LARS1: variants seen among roughly 807,000 people sequenced by gnomAD.
LARS1 encodes leucyl-tRNA synthetase 1, also known as leucine--tRNA ligase, cytoplasmic.
Under a neutral mutation model 162.8 loss-of-function variants are expected in LARS1, and 100 were observed. The ratio of observed to expected loss-of-function variants is 0.61; its 90% CI spans 0.52 to 0.73. The LOEUF (loss-of-function observed/expected upper bound fraction) is 0.73. LARS1 is among the 30% of genes least tolerant of loss of function. The pLI, the probability that LARS1 is intolerant of heterozygous loss-of-function variation, is 0.00. For synonymous variants in LARS1, 457 were observed against 462.8 expected (o/e 0.99, Z 0.16); for missense variants, 1,258 against 1,408.9 (o/e 0.89, Z 1.71).
At chr5:146,136,846 T>C (rs1752521622) in intron 21 of LARS1, among the ~76,000 whole-genome samples, 1 of 152,198 alleles carries the variant, frequency 6.6e-6, no homozygotes, top group Non-Finnish European at 1.5e-5. Context: ...AAGTCTGATG[T>C]TACATAATGC....
At chr5:146,172,593 C>A in intron 3 of LARS1, 94 bp downstream of exon 3, 2 of 574,812 alleles carry the variant, frequency 3.5e-6, no homozygotes, top group Non-Finnish European at 5.8e-6. Context: ...GTTCTCTTAA[C>A]AGGAAATAAT....
In LARS1 at chr5:146,171,954, A is replaced by G; in HGVS notation, c.250T>C (p.Cys84Arg). ...CAGTGCAGGCCAAAGGGAAACAGAC[A>G]ACATTTTCCTTTCAATCGCTGGTAC... ...VGYQRLKGKC[C>R]LFPFGLHCTG... Residue 84 changes from cysteine (C) to arginine (R), a missense_variant, in exon 4 of 32, where the codon TGT becomes CGT. Physicochemically the swap from Cys to Arg is radical, Grantham distance 180 (BLOSUM62 -3). Coordinates refer to ENST00000394434, the MANE Select transcript of LARS1 (RefSeq NM_020117.11). 6.2e-7 allele frequency: 1 copy of G among 1,614,006 alleles called. No homozygotes were observed. The highest frequency in any genetic ancestry group is 8.5e-7 in the Non-Finnish European group (1 of 1,179,908).
Position 146,153,820 on chromosome 5 carries a change from C to G in LARS1, c.1154-10G>C, listed in dbSNP as rs1753403465. The G allele has an allele frequency of 6.2e-7, 1 of 1,613,498 alleles. No individual in the cohort carries two copies. The highest frequency in any genetic ancestry group is 1.3e-5 in the African/African-American group (1 of 75,014). On this transcript the variant is annotated splice_polypyrimidine_tract_variant and intron_variant, in intron 11 of 31. Transcript: ENST00000394434. ...GTAACCACACCAGTGCCTTAGAAAACAAAGTGTGGAATTAATAACTAGAAC... is the reference window on the plus strand; with the variant it reads ...GTAACCACACCAGTGCCTTAGAAAAGAAAGTGTGGAATTAATAACTAGAAC...
chr5:146,162,691 C>T (rs1057238029), intron 6 of LARS1, among the ~76,000 whole-genome samples: 1 of 152,238 alleles, frequency 6.6e-6, no homozygotes, highest in Non-Finnish European at 1.5e-5. Context: ...GGAAGTCTTA[C>T]AGCATCTTAA....
chr5:146,169,079 A>G (rs1754146433), intron 4 of LARS1, among the ~76,000 whole-genome samples: 1 of 152,040 alleles, frequency 6.6e-6, no homozygotes. Context: ...AAAAATAAAT[A>G]AAAACAAAAA....
intron 30 of LARS1, 25 bp downstream of exon 30, chr5:146,122,467 A>T (rs770710363): frequency 7.9e-7 from 1 of 1,267,070 alleles, no homozygotes; most frequent in South Asian, 1.2e-5. Flanking sequence ...AAATGCAATG[A>T]TTCAGTGAGA....
intron 18 of LARS1, among the ~76,000 whole-genome samples, chr5:146,144,035 T>G (rs1184348520): frequency 6.6e-6 from 1 of 152,114 alleles, no homozygotes; most frequent in Non-Finnish European, 1.5e-5. Flanking sequence ...GGTTGAAGCT[T>G]GGAGTCTCTC....
intron 23 of LARS1, chr5:146,131,375 C>A: frequency 4.0e-6 from 1 of 253,154 alleles, no homozygotes; most frequent in Non-Finnish European, 7.4e-6. Flanking sequence ...CTGCTTAGGG[C>A]TCCTGTTTAT....
intron 20 of LARS1, among the ~76,000 whole-genome samples, chr5:146,140,886 CAT>C (rs951879171): frequency 1.3e-5 from 2 of 152,000 alleles, no homozygotes; most frequent in African/African-American, 2.4e-5. Flanking sequence ...TACACACACA[CAT>C]ATATATACAC....
At chr5:146,143,594 C>T in intron 18 of LARS1, 44 bp from the exon 19 acceptor site, 1 of 1,590,270 alleles carries the variant, frequency 6.3e-7, no homozygotes, top group South Asian at 1.1e-5. Flanking sequence ...AGAGACATTT[C>T]ATCTATAGAA....
intron 12 of LARS1, 73 bp downstream of exon 12, chr5:146,153,661 A>G: frequency 8.6e-7 from 1 of 1,157,078 alleles, no homozygotes; most frequent in Non-Finnish European, 1.3e-6. Context: ...GCCTAGTCCC[A>G]CAGCGTAGTT....
intron 24 of LARS1, chr5:146,130,474 T>TA: frequency 7.6e-6 from 2 of 264,218 alleles, no homozygotes; most frequent in South Asian, 1.2e-4. Flanking sequence ...ATATTAAATA[T>TA]AAAAAAAGAC....
At chr5:146,139,247 G>T (rs1159798429) in intron 21 of LARS1, among the ~76,000 whole-genome samples, 1 of 151,544 alleles carries the variant, frequency 6.6e-6, no homozygotes, top group Non-Finnish European at 1.5e-5. Context: ...GGAGGCTGAG[G>T]CAAGAGAATC....
chr5:146,126,808 C>A (rs1752071502), intron 27 of LARS1, among the ~76,000 whole-genome samples: 1 of 152,030 alleles, frequency 6.6e-6, no homozygotes, highest in Non-Finnish European at 1.5e-5. Flanking sequence ...TTCTCCTGTT[C>A]AGAAACTAAA....
chr5:146,145,948 A>G (rs1752986844), intron 15 of LARS1, among the ~76,000 whole-genome samples: 1 of 152,264 alleles, frequency 6.6e-6, no homozygotes, highest in Admixed American at 6.5e-5. Context: ...CAGCAATTAA[A>G]AAGCTATCTG....
chr5:146,139,323 A>G (rs1263977451), intron 21 of LARS1, among the ~76,000 whole-genome samples: 1 of 150,510 alleles, frequency 6.6e-6, no homozygotes, highest in Admixed American at 6.6e-5. Flanking sequence ...AGCCTGGGCG[A>G]AAGAGTGAGA....
rs759608723 is a variant in LARS1 at position 146,114,224 on chromosome 5, T to C, written c.3413A>G (p.Lys1138Arg). 2 of 1,613,890 alleles carry C rather than the reference T, an allele frequency of 1.2e-6. No homozygotes were observed. Among genetic ancestry groups the C allele is most frequent in the South Asian group, 2.2e-5 (2 of 91,060 alleles). Residue 1138 changes from lysine (K) to arginine (R), a missense_variant, in exon 32 of 32, where the codon AAG becomes AGG. By Grantham distance (26) the Lys-to-Arg change is conservative. Coordinates refer to ENST00000394434, the MANE Select transcript of LARS1 (RefSeq NM_020117.11). ...VPVLGKEYTE[K>R]TPISEHAVFN... Reference sequence around the variant, plus strand: ...AACAGCATGCTCAGAAATGGGGGTCTTCTCGGTGTACTCCTTTCCCAGGAC... The same window carrying C: ...AACAGCATGCTCAGAAATGGGGGTCCTCTCGGTGTACTCCTTTCCCAGGAC...
chr5:146,117,392 T>C (rs1295525483), intron 31 of LARS1, among the ~76,000 whole-genome samples: 3 of 152,112 alleles, frequency 2.0e-5, no homozygotes, highest in African/African-American at 7.2e-5. Flanking sequence ...GGCAGATCAC[T>C]TGAGGCCAGG....
At chr5:146,157,660 A>C in intron 9 of LARS1, 32 bp from the exon 10 acceptor site, 4 of 1,613,212 alleles carry the variant, frequency 2.5e-6, no homozygotes, top group Non-Finnish European at 3.4e-6. Flanking sequence ...TGATGTAAAA[A>C]CATGTCAACT....
Sources: allele counts gnomAD v4.1 joint callset (sites outside exome capture counted in the v4.1 genomes callset), GRCh38; gene constraint gnomAD v4.1.1; transcripts MANE v1.5; gene names NCBI Gene and HGNC (gene_info 2026-07-23, HGNC 2026-07-21).